The following MRPL1 variants were observed in gnomAD, a reference collection of about 807,000 sequenced individuals.
The protein encoded by MRPL1 is large ribosomal subunit protein uL1m.
A neutral mutation model predicts 38.0 loss-of-function variants in MRPL1; 28 were observed. The observed-to-expected ratio is 0.74, with a 90% CI of 0.55 to 1.01. The LOEUF is 1.01. MRPL1 is among the 50% of genes least tolerant of loss of function. MRPL1 has a pLI of 0.00. For missense variants in MRPL1, 358 were observed against 389.8 expected, an observed-to-expected ratio of 0.92 and a Z score of 0.69; for synonymous variants, 123 against 126.7, an observed-to-expected ratio of 0.97 and a Z score of 0.20.
intron 8 of MRPL1, 111 bp downstream of exon 8, chr4:77,949,989 T>C (rs1427318601): frequency 5.7e-6 from 3 of 522,384 alleles, no homozygotes; most frequent in Non-Finnish European, 1.0e-5. Context: ...AAATGTAAAA[T>C]ATTAAATAAA....
chr4:77,938,908 G>C (rs1737054842), intron 7 of MRPL1, among the ~76,000 whole-genome samples: 1 of 152,140 alleles, frequency 6.6e-6, no homozygotes, highest in South Asian at 2.1e-4. Flanking sequence ...ATGGTCCCCT[G>C]ATCCACCTTT....
At chr4:77,892,306 TA>T (rs1464413271) in intron 5 of MRPL1, among the ~76,000 whole-genome samples, 2 of 151,944 alleles carry the variant, frequency 1.3e-5, no homozygotes, top group African/African-American at 2.4e-5. Context: ...TAATTTTTTT[TA>T]TTTTTAGTAG....
intron 7 of MRPL1, among the ~76,000 whole-genome samples, chr4:77,929,277 T>TAAAAAC (rs1736791201): frequency 1.3e-5 from 2 of 151,888 alleles, no homozygotes; most frequent in Non-Finnish European, 2.9e-5. Flanking sequence ...AAAATAAAAA[T>TAAAAAC]AAAAACAAAA....
chr4:77,866,931 A>G (rs1234009967), intron 1 of MRPL1, among the ~76,000 whole-genome samples: 1 of 151,816 alleles, frequency 6.6e-6, no homozygotes, highest in Non-Finnish European at 1.5e-5. Context: ...TATTTTTAGT[A>G]GAGATGGGGT....
At chr4:77,886,287 C>T (rs1235263763) in intron 4 of MRPL1, among the ~76,000 whole-genome samples, 4 of 152,080 alleles carry the variant, frequency 2.6e-5, no homozygotes, top group Non-Finnish European at 4.4e-5. Context: ...CCTGCCTCAG[C>T]CTACTGAGTA....
rs749696397 is a variant in MRPL1, at chr4:77,862,878, A to C, written c.30A>C (p.Arg10Ser). 2 of 1,613,946 alleles carry C rather than the reference A, an allele frequency of 1.2e-6. No individual in the cohort carries two copies. Among genetic ancestry groups the C allele is most frequent in the Non-Finnish European group, 8.5e-7 (1 of 1,179,990 alleles). Residue 10 changes from arginine (R) to serine (S), a missense_variant and splice_region_variant, in exon 1 of 9, where the codon AGA becomes AGC. Physicochemically the swap from Arg to Ser is moderately radical, Grantham distance 110 (BLOSUM62 -1). Coordinates refer to ENST00000315567, the MANE Select transcript of MRPL1 (RefSeq NM_020236.4). ...CGGCGGCCGTAAGGTGCATGGGTAGAGGTAAGGCGAGGGGTTGTCTTGCAG... is the reference window on the plus strand; with the variant it reads ...CGGCGGCCGTAAGGTGCATGGGTAGCGGTAAGGCGAGGGGTTGTCTTGCAG... MAAAVRCMG[R>S]ALIHHQRHSL... is the part of the protein sequence containing the mutation.
chr4:77,913,210 A>G (rs1030415775), intron 7 of MRPL1, among the ~76,000 whole-genome samples: 2 of 152,114 alleles, frequency 1.3e-5, no homozygotes, highest in African/African-American at 4.8e-5. Context: ...TCTTTAAAAG[A>G]CACTGTTAAG....
chr4:77,945,396 A>G (rs1737236353), intron 7 of MRPL1, among the ~76,000 whole-genome samples: 2 of 152,036 alleles, frequency 1.3e-5, no homozygotes, highest in Non-Finnish European at 2.9e-5. Context: ...TTCAGTTTTC[A>G]GTCAAAGGTG....
intron 6 of MRPL1, among the ~76,000 whole-genome samples, chr4:77,900,606 T>C (rs528785155): frequency 5.3e-5 from 8 of 152,344 alleles, no homozygotes; most frequent in African/African-American, 1.9e-4. Context: ...TTTCTATCAT[T>C]TGGTATATAA....
At chr4:77,893,025 A>G (rs762138353) in intron 5 of MRPL1, among the ~76,000 whole-genome samples, 6 of 152,260 alleles carry the variant, frequency 3.9e-5, no homozygotes, top group Non-Finnish European at 8.8e-5. Flanking sequence ...GAATAGTAAC[A>G]GAAGGATAAA....
At chr4:77,938,056 T>C (rs1737029911) in intron 7 of MRPL1, among the ~76,000 whole-genome samples, 3 of 152,362 alleles carry the variant, frequency 2.0e-5, no homozygotes, top group South Asian at 2.1e-4. Flanking sequence ...TGGCTTTTAC[T>C]CATTCATTTC....
intron 7 of MRPL1, among the ~76,000 whole-genome samples, chr4:77,939,293 T>C (rs1407342586): frequency 4.6e-5 from 7 of 152,218 alleles, no homozygotes; most frequent in Non-Finnish European, 1.0e-4. Context: ...TGATCATTAG[T>C]GATGTTGAGC....
At chr4:77,913,978 G>A (rs1736356613) in intron 7 of MRPL1, among the ~76,000 whole-genome samples, 1 of 152,154 alleles carries the variant, frequency 6.6e-6, no homozygotes, top group South Asian at 2.1e-4. Context: ...AAGAGGGGCA[G>A]GAAGGAAGAA....
At chr4:77,933,608 A>G (rs1021627778) in intron 7 of MRPL1, among the ~76,000 whole-genome samples, 2 of 152,252 alleles carry the variant, frequency 1.3e-5, no homozygotes, top group African/African-American at 2.4e-5. Context: ...AAGACTGGAA[A>G]AAAATGAAGA....
intron 7 of MRPL1, among the ~76,000 whole-genome samples, chr4:77,931,775 T>C (rs1736851344): frequency 6.6e-6 from 1 of 152,222 alleles, no homozygotes; most frequent in Non-Finnish European, 1.5e-5. Context: ...CACTTCTGAA[T>C]GTGAGTCTGC....
At chr4:77,927,898 C>T (rs78416374) in intron 7 of MRPL1, among the ~76,000 whole-genome samples, 3,262 of 152,216 alleles carry the variant, frequency 0.021, 127 homozygotes, top group East Asian at 0.18. Flanking sequence ...AAGAGTAAGA[C>T]AACTCAGAGT....
At chr4:77,865,784 A>C (rs1390641238) in intron 1 of MRPL1, among the ~76,000 whole-genome samples, 1 of 152,064 alleles carries the variant, frequency 6.6e-6, no homozygotes, top group Non-Finnish European at 1.5e-5. Flanking sequence ...CCTTGTTCCC[A>C]CCTGCTACCA....
Position 77,925,657 on chromosome 4 carries a change from G to GT in MRPL1, c.777+16297dup, listed in dbSNP as rs113952693. 3.6e-3 allele frequency among the ~76,000 whole-genome samples: 512 copies of GT among 142,114 alleles called. 2 individuals are homozygous for GT. Among genetic ancestry groups the GT allele is most frequent in the African/African-American group, 0.01 (405 of 39,078 alleles). 93.2% of individuals were successfully genotyped at this position (142,114 alleles called of 152,430 possible). A position where few individuals can be genotyped will look rare whatever the true frequency, so the allele number is the denominator to read the frequency against. ...CTAAGTTATATATGAGATTTGTGAG[G>GT]TTTTTTTTTTTTAAATGATGAAAGA... On this transcript the variant is annotated intron_variant, in intron 7 of 8. Coordinates refer to ENST00000315567, the MANE Select transcript of MRPL1 (RefSeq NM_020236.4).
chr4:77,875,742 A>G (rs1024498497), intron 2 of MRPL1, among the ~76,000 whole-genome samples: 4 of 152,198 alleles, frequency 2.6e-5, no homozygotes, highest in African/African-American at 9.6e-5. Context: ...ATATACAAAC[A>G]TAACTAATTT....
Sources: allele counts gnomAD v4.1 joint callset (sites outside exome capture counted in the v4.1 genomes callset), GRCh38; gene constraint gnomAD v4.1.1; transcripts MANE v1.5; gene names NCBI Gene and HGNC (gene_info 2026-07-23, HGNC 2026-07-21).